MAIP1: variants seen among roughly 807,000 people sequenced by gnomAD.
MAIP1 encodes the protein m-AAA protease-interacting protein 1, mitochondrial.
Under a neutral mutation model 31.2 loss-of-function variants are expected in MAIP1, and 28 were observed. That is an observed-to-expected ratio of 0.90 (90% confidence interval 0.67 to 1.23). MAIP1 has a LOEUF of 1.23. Among genes scored for constraint, MAIP1 ranks in the 50% most tolerant of loss-of-function variants. The probability of loss-of-function intolerance (pLI) is 0.00; values close to 1 mark genes in which losing one functional copy is unlikely to be tolerated. For synonymous variants in MAIP1, 142 were observed against 142.3 expected, an observed-to-expected ratio of 1.00 and a Z score of 0.02; for missense variants, 339 against 356.0, an observed-to-expected ratio of 0.95 and a Z score of 0.38.
intron 1 of MAIP1, among the ~76,000 whole-genome samples, chr2:199,958,177 C>T (rs2077617867): frequency 1.3e-5 from 2 of 152,164 alleles, no homozygotes. Context: ...TCTCAGCTTA[C>T]AGATGGCCGT....
upstream of MAIP1, chr2:199,955,403 A>T (rs763367203): frequency 8.1e-6 from 13 of 1,613,464 alleles, no homozygotes; most frequent in Admixed American, 2.0e-4. Flanking sequence ...CTGTGGGTAG[A>T]GGTGCTGCAT....
rs773670429 is a variant in MAIP1 at position 199,955,824 on chromosome 2, C to T, written c.26C>T (p.Pro9Leu). MALAARLL[P>L]QFLHSRSLPC... is the part of the protein sequence containing the mutation. Reference sequence around the variant, plus strand: ...ATGGCGCTGGCCGCTCGTTTGCTACCCCAGTTCCTGCACTCTCGGTCGCTG... The same window carrying T: ...ATGGCGCTGGCCGCTCGTTTGCTACTCCAGTTCCTGCACTCTCGGTCGCTG... The change falls in exon 1 of 5, where the codon CCC becomes CTC. Residue 9 changes from proline (P) to leucine (L), a missense_variant. By Grantham distance (98) the Pro-to-Leu change is moderately conservative (BLOSUM62 -3). Transcript: ENST00000392290. 5.3e-6 allele frequency: 8 copies of T among 1,518,500 alleles called. No individual in the cohort carries two copies. The highest frequency in any genetic ancestry group is 2.3e-5 in the East Asian group (1 of 44,050). The allele number at this position is 1,518,500 out of a possible 1,614,324, so 94.1% of individuals were successfully genotyped here. A position where few individuals can be genotyped will look rare whatever the true frequency, so the allele number is the denominator to read the frequency against.
At chr2:199,959,169 C>G (rs969047505) in intron 1 of MAIP1, 99 bp from the exon 2 acceptor site, 1 of 669,570 alleles carries the variant, frequency 1.5e-6, no homozygotes, top group Non-Finnish European at 2.7e-6. Flanking sequence ...ATCACTATTA[C>G]CATAAAATAG....
Position 199,963,918 on chromosome 2 carries a change from C to T in MAIP1, c.*107C>T, listed in dbSNP as rs2077649341. The T allele has an allele frequency of 1.6e-6, 1 of 606,458 alleles. No homozygotes were observed. Among genetic ancestry groups the T allele is most frequent in the Non-Finnish European group, 2.9e-6 (1 of 342,614 alleles). The allele number at this position is 606,458 out of a possible 1,614,324, so 37.6% of individuals were successfully genotyped here. On this transcript the variant is annotated 3_prime_UTR_variant, in exon 5 of 5. Coordinates refer to ENST00000392290, the MANE Select transcript of MAIP1 (RefSeq NM_001394955.1). ...TCACTTAATCTAAGTCTGTGAATTA[C>T]TTTTATATTATTTTGAAATACTCCT... is the stretch of plus-strand genomic sequence containing the variant.
At chr2:199,958,637 T>A (rs166845) in intron 1 of MAIP1, among the ~76,000 whole-genome samples, 128,070 of 152,196 alleles carry the variant, frequency 0.84, 54,066 homozygotes, top group South Asian at 0.91. Context: ...CCTTTTCCCA[T>A]GTAGACTGAA....
chr2:199,956,385 A>G (rs1415310820), intron 1 of MAIP1, 137 bp downstream of exon 1: 125 of 751,642 alleles, frequency 1.7e-4, no homozygotes, highest in Non-Finnish European at 2.2e-5. Flanking sequence ...AGAGCCTTCC[A>G]GCCATTGCTT....
intron 4 of MAIP1, among the ~76,000 whole-genome samples, chr2:199,962,188 A>G (rs1574821972): frequency 6.6e-6 from 1 of 152,226 alleles, no homozygotes; most frequent in East Asian, 1.9e-4. Context: ...CATTGGCTTC[A>G]AACAGCCATT....
chr2:199,961,857 A>G lies in MAIP1; in HGVS notation c.726A>G (p.Gly242=), dbSNP rs2077638621. ...ACATCCCCAGTGAAACTTTAAGAGG[A>G]GCCAGTGTATTCCAGGTTAAGTTGG... The part of the protein sequence containing the change: ...SANIPSETLR[G]ASVFQVKLGN... The change falls in exon 4 of 5, where the codon GGA becomes GGG. Residue 242 remains glycine, a synonymous_variant. Coordinates refer to ENST00000392290, the MANE Select transcript of MAIP1 (RefSeq NM_001394955.1). The G allele has an allele frequency of 6.2e-7, 1 of 1,613,908 alleles. No individual in the cohort carries two copies. Among genetic ancestry groups the G allele is most frequent in the Non-Finnish European group, 8.5e-7 (1 of 1,179,918 alleles).
chr2:199,959,466 C>A, intron 2 of MAIP1, 127 bp downstream of exon 2: 1 of 669,962 alleles, frequency 1.5e-6, no homozygotes. Flanking sequence ...GTCTGTGTAT[C>A]TGTTCTTATG....
intron 1 of MAIP1, among the ~76,000 whole-genome samples, chr2:199,958,977 G>T (rs143050143): frequency 6.6e-6 from 1 of 152,216 alleles, no homozygotes; most frequent in African/African-American, 2.4e-5. Flanking sequence ...ATTTTAAAAA[G>T]AAATATAAAG....
At chr2:199,956,274 A>G (rs2077603618) in intron 1 of MAIP1, 26 bp downstream of exon 1, 3 of 1,554,570 alleles carry the variant, frequency 1.9e-6, no homozygotes, top group African/African-American at 1.4e-5. Flanking sequence ...TGATTGACCT[A>G]TCCGTCTCTA....
Position 199,955,921 on chromosome 2 carries a change from C to T in MAIP1, c.123C>T (p.Tyr41=), listed in dbSNP as rs1276652482. 2.5e-6 allele frequency: 4 copies of T among 1,597,734 alleles called. No homozygotes were observed. The highest frequency in any genetic ancestry group is 1.7e-4 in the Middle Eastern group (1 of 5,992). The change falls in exon 1 of 5, where the codon TAC becomes TAT. Residue 41 remains tyrosine (Y), a synonymous_variant. Coordinates refer to ENST00000392290, the MANE Select transcript of MAIP1 (RefSeq NM_001394955.1). The part of the protein sequence containing the change: ...EVRLPSATLC[Y]FCRCRLGLGA... The stretch of plus-strand genomic sequence containing the variant: ...GGCTGCCGTCGGCCACACTTTGCTA[C>T]TTCTGCCGCTGTCGCCTCGGCTTGG...
intron 1 of MAIP1, among the ~76,000 whole-genome samples, chr2:199,957,075 TA>T (rs2077610977): frequency 6.6e-6 from 1 of 150,672 alleles, no homozygotes. Flanking sequence ...TTACAGATTG[TA>T]TCGTTCCCAA....
upstream of MAIP1, chr2:199,955,368 G>T: frequency 6.2e-7 from 1 of 1,610,868 alleles, no homozygotes; most frequent in Non-Finnish European, 8.5e-7. Flanking sequence ...GTTTCTCGAG[G>T]TTCTGCCCCG....
upstream of MAIP1, chr2:199,955,496 G>C (rs752217256): frequency 5.0e-6 from 8 of 1,611,290 alleles, no homozygotes; most frequent in South Asian, 2.2e-5. Flanking sequence ...CCCTCTTCCA[G>C]GTCTTCGGAA....
Position 199,959,833 on chromosome 2 carries a change from T to C in MAIP1, c.602T>C (p.Ile201Thr), listed in dbSNP as rs771950552. The change falls in exon 3 of 5, where the codon ATT (isoleucine) becomes ACT (threonine). Residue 201 changes from isoleucine to threonine, a missense_variant. Physicochemically the swap from Ile to Thr is moderately conservative, Grantham distance 89. Transcript: ENST00000392290. ...GCCCTTGCTGCTAACATAGATGAAA[T>C]TGTATTTACATCAACAGGAGACATC... ...KNALAANIDEIVFTSTGDISI... is the reference protein window; with the variant it reads ...KNALAANIDETVFTSTGDISI... 3.7e-6 allele frequency: 6 copies of C among 1,610,748 alleles called. No homozygotes were observed. The highest frequency in any genetic ancestry group is 4.5e-5 in the East Asian group (2 of 44,740).
At chr2:199,958,086 T>G (rs1346638500) in intron 1 of MAIP1, among the ~76,000 whole-genome samples, 2 of 152,224 alleles carry the variant, frequency 1.3e-5, no homozygotes, top group African/African-American at 2.4e-5. Context: ...AGCCAGCCTG[T>G]AAGCATTGTT....
rs972851826 is a variant in MAIP1, at chr2:199,955,604, G to T, written c.-195G>T. 4 of 1,290,664 alleles carry T rather than the reference G, an allele frequency of 3.1e-6. No homozygotes were observed. Among genetic ancestry groups the T allele is most frequent in the South Asian group, 1.4e-5 (1 of 69,180 alleles). 80.0% of individuals were successfully genotyped at this position (1,290,664 alleles called of 1,614,324 possible). A position where few individuals can be genotyped will look rare whatever the true frequency, so the allele number is the denominator to read the frequency against. ...GGCAGACTCCAGAGTGGCTGGGTCC[G>T]AGCGCGGGGCGGGTTGCCGAAGGGC... is the stretch of plus-strand genomic sequence containing the variant. On this transcript the variant is annotated 5_prime_UTR_variant, in exon 1 of 5. Transcript: ENST00000392290.
chr2:199,955,951 G>A lies in MAIP1; in HGVS notation c.153G>A (p.Ala51=). Residue 51 remains alanine, a synonymous_variant, in exon 1 of 5, where the codon GCG becomes GCA. Coordinates refer to ENST00000392290, the MANE Select transcript of MAIP1 (RefSeq NM_001394955.1). ...YFCRCRLGLG[A]ALFPRSARAL... ...GCCGCTGTCGCCTCGGCTTGGGAGC[G>A]GCGTTATTTCCACGAAGCGCTAGGG... 2 of 1,605,916 alleles carry A rather than the reference G, an allele frequency of 1.2e-6. No homozygotes were observed. Among genetic ancestry groups the A allele is most frequent in the Non-Finnish European group, 1.7e-6 (2 of 1,174,858 alleles).
Sources: allele counts gnomAD v4.1 joint callset (sites outside exome capture counted in the v4.1 genomes callset), GRCh38; gene constraint gnomAD v4.1.1; transcripts MANE v1.5; gene names NCBI Gene and HGNC (gene_info 2026-07-23, HGNC 2026-07-21).